MTUS1: variants seen among roughly 807,000 people sequenced by gnomAD.
The protein encoded by MTUS1 is microtubule-associated tumor suppressor 1.
In MTUS1, 109 loss-of-function variants were observed where a neutral mutation model predicts 120.8. The ratio of observed to expected loss-of-function variants is 0.90; its 90% CI spans 0.77 to 1.06. The LOEUF is 1.06. Among genes scored for constraint, MTUS1 ranks in the 50% least tolerant of loss-of-function variants. The pLI, the probability that MTUS1 is intolerant of heterozygous loss-of-function variation, is 0.00. For missense variants in MTUS1, 2,210 were observed against 1,486.3 expected, an observed-to-expected ratio of 1.49 and a Z score of -8.01; for synonymous variants, 737 against 550.5, an observed-to-expected ratio of 1.34 and a Z score of -4.74.
At position 17,684,560 on chromosome 8, in the gene MTUS1, A is replaced by G. The variant is rs1815352337; in HGVS notation, c.2624-18T>C. On this transcript the variant is annotated intron_variant, in intron 6 of 14. Transcript: ENST00000693296. ...CTTTTCAACTGCAAAACGAATTAACATAGGTACAAAGATAGGTGAGGTTAA... is the reference window on the plus strand; with the variant it reads ...CTTTTCAACTGCAAAACGAATTAACGTAGGTACAAAGATAGGTGAGGTTAA... The G allele has an allele frequency of 3.8e-6, 6 of 1,596,716 alleles. No homozygotes were observed. Among genetic ancestry groups the G allele is most frequent in the East Asian group, 4.5e-5 (2 of 44,818 alleles).
intron 1 of MTUS1, among the ~76,000 whole-genome samples, chr8:17,771,008 T>G (rs2131449364): frequency 6.6e-6 from 1 of 152,264 alleles, no homozygotes; most frequent in South Asian, 2.1e-4. Context: ...GTTTTAAAGG[T>G]AAGATGTTAA....
chr8:17,741,498 C>A (rs1218790723), intron 3 of MTUS1, among the ~76,000 whole-genome samples: 1 of 152,134 alleles, frequency 6.6e-6, no homozygotes, highest in Non-Finnish European at 1.5e-5. Context: ...ATGCATAACT[C>A]AGTTATCAAG....
intron 1 of MTUS1, among the ~76,000 whole-genome samples, chr8:17,775,160 T>C (rs1318855811): frequency 2.6e-5 from 4 of 152,114 alleles, no homozygotes; most frequent in Non-Finnish European, 5.9e-5. Flanking sequence ...GAACAAGTTC[T>C]GAAAATACTG....
chr8:17,672,146 G>A (rs752465354), intron 8 of MTUS1, among the ~76,000 whole-genome samples: 2 of 152,078 alleles, frequency 1.3e-5, no homozygotes, highest in East Asian at 1.9e-4. Context: ...GGATTTCTAG[G>A]AATATTTAGT....
At chr8:17,758,292 T>G (rs1416435356) in intron 1 of MTUS1, 1 of 152,200 alleles carries the variant, frequency 6.6e-6, no homozygotes, top group Non-Finnish European at 1.5e-5. Flanking sequence ...TGGCCAAGCA[T>G]CCTGATACCA....
At chr8:17,713,850 T>C (rs1821809708) in intron 5 of MTUS1, among the ~76,000 whole-genome samples, 2 of 152,204 alleles carry the variant, frequency 1.3e-5, no homozygotes, top group Admixed American at 6.5e-5. Context: ...TACCATGTTC[T>C]ATCTGAAATT....
intron 7 of MTUS1, among the ~76,000 whole-genome samples, chr8:17,682,337 G>A (rs1243176591): frequency 6.6e-6 from 1 of 152,094 alleles, no homozygotes; most frequent in Non-Finnish European, 1.5e-5. Context: ...CCCACATGGT[G>A]AAACCCTGTC....
intron 8 of MTUS1, 144 bp downstream of exon 8, chr8:17,675,042 T>C (rs1444524270): frequency 5.5e-6 from 8 of 1,459,088 alleles, no homozygotes; most frequent in Non-Finnish European, 6.3e-6. Flanking sequence ...GAAATGTCGA[T>C]AGTAAGTGTT....
At chr8:17,654,504 C>G in intron 10 of MTUS1, 57 bp downstream of exon 10, 1 of 1,173,458 alleles carries the variant, frequency 8.5e-7, no homozygotes, top group Non-Finnish European at 1.3e-6. Context: ...CATCTTAAAA[C>G]ATCATGTGGT....
chr8:17,756,721 A>C (rs1270502196), intron 1 of MTUS1, among the ~76,000 whole-genome samples: 1 of 132,674 alleles, frequency 7.5e-6, no homozygotes, highest in Non-Finnish European at 1.6e-5. Context: ...TAAGGAGGTG[A>C]TTAAGGTTAA....
chr8:17,651,734 G>A (rs1306832256), intron 12 of MTUS1: 4 of 152,074 alleles, frequency 2.6e-5, no homozygotes, highest in Admixed American at 6.6e-5. Flanking sequence ...GCATGCTTAC[G>A]TGACAGAAGC....
intron 8 of MTUS1, among the ~76,000 whole-genome samples, chr8:17,671,741 C>A (rs184227961): frequency 6.6e-6 from 1 of 152,260 alleles, no homozygotes; most frequent in Admixed American, 6.5e-5. Flanking sequence ...TACCTTGTCT[C>A]AACTTTCATT....
Position 17,657,376 on chromosome 8 carries a change from G to A in MTUS1, c.2906-1311C>T, listed in dbSNP as rs947998364. 6.6e-5 allele frequency among the ~76,000 whole-genome samples: 10 copies of A among 151,388 alleles called. No individual in the cohort carries two copies. In the East Asian group the frequency reaches 1.2e-3, roughly 18 times the overall value. The stretch of plus-strand genomic sequence containing the variant: ...GAGGTCAGGAGATCGAGACCATCCC[G>A]GCTAAAACGGTGAAACCCCGTCTCT... On this transcript the variant is annotated intron_variant, in intron 8 of 14. Transcript: ENST00000693296.
chr8:17,699,721 A>C (rs1818660966), intron 6 of MTUS1, among the ~76,000 whole-genome samples: 1 of 152,232 alleles, frequency 6.6e-6, no homozygotes, highest in Non-Finnish European at 1.5e-5. Context: ...TTCTTTCCCA[A>C]ACATAGTCTG....
chr8:17,722,183 G>T (rs1398938540), intron 4 of MTUS1: 1 of 1,064,538 alleles, frequency 9.4e-7, no homozygotes. Context: ...ATGGACAAAA[G>T]CACTTTACAG....
chr8:17,772,965 C>G (rs143157876), intron 1 of MTUS1, among the ~76,000 whole-genome samples: 13 of 152,294 alleles, frequency 8.5e-5, no homozygotes, highest in African/African-American at 3.1e-4. Context: ...CCCAAAGATA[C>G]GTTCAGAAGA....
At chr8:17,722,879 A>G (rs911147946) in intron 4 of MTUS1, among the ~76,000 whole-genome samples, 1 of 152,188 alleles carries the variant, frequency 6.6e-6, no homozygotes, top group African/African-American at 2.4e-5. Context: ...CCAAAAGAAG[A>G]AACTGATCTG....
Position 17,753,766 on chromosome 8 carries a change from A to G in MTUS1, c.2042T>C (p.Leu681Pro). 3 of 1,612,820 alleles carry G rather than the reference A, an allele frequency of 1.9e-6. No homozygotes were observed. The highest frequency in any genetic ancestry group is 2.5e-6 in the Non-Finnish European group (3 of 1,179,736). ...AGTCTCATTCATAATCTCTTGTTTC[A>G]GCTCTTGTTTTTCCATAGATGTCCC... ...ENGTSMEKQELKQEIMNETFE... is the reference protein window; with the variant it reads ...ENGTSMEKQEPKQEIMNETFE... Residue 681 changes from leucine (L) to proline (P), a missense_variant, in exon 2 of 15, where the codon CTG becomes CCG. Physicochemically the swap from Leu to Pro is moderately conservative, Grantham distance 98. Transcript: ENST00000693296.
intron 8 of MTUS1, among the ~76,000 whole-genome samples, chr8:17,673,719 C>A (rs191218257): frequency 6.6e-6 from 1 of 152,080 alleles, no homozygotes; most frequent in African/African-American, 2.4e-5. Flanking sequence ...CCTCCCAAAG[C>A]GCTGGGATTA....
Sources: gnomAD v4.1 joint callset for allele counts (sites outside exome capture counted in the v4.1 genomes callset) on GRCh38, gnomAD v4.1.1 for gene constraint, MANE v1.5 for transcripts, NCBI Gene and HGNC (gene_info 2026-07-23, HGNC 2026-07-21) for gene names.